Variants in NPAS3 observed in about 807,000 individuals in gnomAD.
NPAS3 encodes neuronal PAS domain protein 3.
NPAS3 carries 14 observed loss-of-function variants against 73.1 expected under a neutral mutation model. The observed-to-expected ratio is 0.19, with a 90% CI of 0.13 to 0.30. The LOEUF (loss-of-function observed/expected upper bound fraction) is 0.30. NPAS3 is among the 10% of genes least tolerant of loss of function. The pLI, the probability that NPAS3 is intolerant of heterozygous loss-of-function variation, is 1.00. For synonymous variants in NPAS3, 620 were observed against 541.5 expected (o/e 1.14, Z -2.01); for missense variants, 1,096 against 1,250.0 (o/e 0.88, Z 1.86).
At chr14:33,547,118 T>C (rs898555342) in intron 4 of NPAS3, among the ~76,000 whole-genome samples, 34 of 152,188 alleles carry the variant, frequency 2.2e-4, no homozygotes, top group African/African-American at 7.2e-4. Flanking sequence ...AAACCCTTAA[T>C]ATATTTTTAT....
At chr14:33,605,320 C>T (rs1281092907) in intron 5 of NPAS3, among the ~76,000 whole-genome samples, 4 of 149,694 alleles carry the variant, frequency 2.7e-5, no homozygotes, top group Non-Finnish European at 5.9e-5. Flanking sequence ...GCTCTTGCCG[C>T]TTTAATGTGA....
Position 33,686,907 on chromosome 14 carries a change from C to T in NPAS3, c.733+10522C>T, listed in dbSNP as rs1046689861. On this transcript the variant is annotated intron_variant, in intron 6 of 11. Coordinates refer to ENST00000356141, the Ensembl canonical transcript of NPAS3. Reference sequence around the variant, plus strand: ...TTATGTTCACTGGCCTTGATACTGGCTCATTTATTTTTATAAAAATGTACA... The same window carrying T: ...TTATGTTCACTGGCCTTGATACTGGTTCATTTATTTTTATAAAAATGTACA... Among the ~76,000 whole-genome samples, 5 of 152,250 alleles carry T rather than the reference C, an allele frequency of 3.3e-5. No individual in the cohort carries two copies. In the East Asian group the frequency reaches 9.7e-4, roughly 29 times the overall value.
intron 2 of NPAS3, among the ~76,000 whole-genome samples, chr14:33,069,089 G>A (rs2041387075): frequency 6.6e-6 from 1 of 152,194 alleles, no homozygotes; most frequent in South Asian, 2.1e-4. Context: ...GCTGAGGGTG[G>A]AAGCAGGGGA....
chr14:33,377,337 C>A (rs1011922570), intron 4 of NPAS3, among the ~76,000 whole-genome samples: 1 of 152,202 alleles, frequency 6.6e-6, no homozygotes, highest in Non-Finnish European at 1.5e-5. Flanking sequence ...TATCTTATTA[C>A]GTGACCTCCT....
intron 4 of NPAS3, among the ~76,000 whole-genome samples, chr14:33,504,430 A>C (rs2052663734): frequency 6.6e-6 from 1 of 152,026 alleles, no homozygotes; most frequent in South Asian, 2.1e-4. Context: ...GATTCCCAAG[A>C]CTTTTATATT....
At chr14:33,531,342 G>A in intron 4 of NPAS3, among the ~76,000 whole-genome samples, 1 of 152,010 alleles carries the variant, frequency 6.6e-6, no homozygotes, top group East Asian at 1.9e-4. Flanking sequence ...GACCTCCTTT[G>A]TGCCGTCACT....
At chr14:32,957,695 CATT>C (rs1239714611) in intron 1 of NPAS3, among the ~76,000 whole-genome samples, 1 of 152,104 alleles carries the variant, frequency 6.6e-6, no homozygotes, top group Non-Finnish European at 1.5e-5. Context: ...TCTATTCCAG[CATT>C]CTATTTTGCA....
intron 3 of NPAS3, among the ~76,000 whole-genome samples, chr14:33,289,360 T>C (rs148752866): frequency 0.012 from 1,814 of 152,266 alleles, 21 homozygotes; most frequent in Non-Finnish European, 0.019. Flanking sequence ...CACACACATA[T>C]AAAATTTGTT....
rs112184045 is a variant in NPAS3 at position 33,232,098 on chromosome 14, T to C, written c.385+16672T>C. Among the ~76,000 whole-genome samples the C allele has an allele frequency of 8.2e-3, 1,244 of 152,178 alleles. 10 individuals carry two copies. Among genetic ancestry groups the C allele is most frequent in the African/African-American group, 0.029 (1,192 of 41,540 alleles). Reference sequence around the variant, plus strand: ...TCTAGCCAGAACCCCCCAAAATAGATTGAGTGACAGTAGCAAGAAGACAGT... The same window carrying C: ...TCTAGCCAGAACCCCCCAAAATAGACTGAGTGACAGTAGCAAGAAGACAGT... On this transcript the variant is annotated intron_variant, in intron 3 of 11. Transcript: ENST00000356141.
Position 33,449,651 on chromosome 14 carries a change from A to G in NPAS3, c.468+82383A>G, listed in dbSNP as rs571324746. Among the ~76,000 whole-genome samples the G allele has an allele frequency of 5.9e-5, 9 of 152,194 alleles. No homozygotes were observed. The East Asian group carries it at 1.7e-3, about 29-fold the overall frequency. On this transcript the variant is annotated intron_variant, in intron 4 of 11. Transcript: ENST00000356141. Reference sequence around the variant, plus strand: ...CACATGCACACACACACACACACACAGAGAAGAAACTGAGAATTTAAATGG... The same window carrying G: ...CACATGCACACACACACACACACACGGAGAAGAAACTGAGAATTTAAATGG...
rs377021686 is a variant in NPAS3 at position 33,578,757 on chromosome 14, G to A, written c.558+18547G>A. 2.6e-5 allele frequency among the ~76,000 whole-genome samples: 4 copies of A among 152,300 alleles called. No individual in the cohort carries two copies. The East Asian group carries it at 7.7e-4, about 29-fold the overall frequency. On this transcript the variant is annotated intron_variant, in intron 5 of 11. Coordinates refer to ENST00000356141, the Ensembl canonical transcript of NPAS3. Reference sequence around the variant, plus strand: ...ATCAACCAAGAGGAGGCATGACTAGGATCAGAGGTCATTTAGGAAGACTGG... The same window carrying A: ...ATCAACCAAGAGGAGGCATGACTAGAATCAGAGGTCATTTAGGAAGACTGG...
intron 5 of NPAS3, among the ~76,000 whole-genome samples, chr14:33,662,223 TA>T (rs2059328320): frequency 6.6e-6 from 1 of 152,198 alleles, no homozygotes; most frequent in South Asian, 2.1e-4. Context: ...GGTGTTGGGT[TA>T]GTAGATCACA....
intron 3 of NPAS3, among the ~76,000 whole-genome samples, chr14:33,237,584 C>A (rs2048077511): frequency 6.6e-6 from 1 of 151,932 alleles, no homozygotes; most frequent in Non-Finnish European, 1.5e-5. Context: ...CTTTGCATAA[C>A]TAAAATTAGA....
chr14:33,138,456 T>C (rs111490951), intron 2 of NPAS3, among the ~76,000 whole-genome samples: 4 of 152,228 alleles, frequency 2.6e-5, no homozygotes, highest in African/African-American at 9.6e-5. Context: ...TAATTCTTCT[T>C]TGAGGTTAGA....
intron 1 of NPAS3, among the ~76,000 whole-genome samples, chr14:32,942,925 A>G (rs576013744): frequency 1.3e-5 from 2 of 152,342 alleles, no homozygotes; most frequent in African/African-American, 4.8e-5. Flanking sequence ...ACTGTCAACA[A>G]GAACTGTAAT....
chr14:33,401,288 G>A (rs749997091), intron 4 of NPAS3, among the ~76,000 whole-genome samples: 1 of 151,992 alleles, frequency 6.6e-6, no homozygotes, highest in Non-Finnish European at 1.5e-5. Flanking sequence ...TCTTCTCTGA[G>A]GTGTGCTGTT....
Position 33,564,899 on chromosome 14 carries a change from C to T in NPAS3, c.558+4689C>T, listed in dbSNP as rs115815280. ...GGTGATACCATTAGAAAATACCCTA[C>T]GTGCCAGCTAAAACCTCTCTTGAAA... is the stretch of plus-strand genomic sequence containing the variant. On this transcript the variant is annotated intron_variant, in intron 5 of 11. Transcript: ENST00000356141. Among the ~76,000 whole-genome samples the T allele has an allele frequency of 5.1e-3, 772 of 152,244 alleles. 3 individuals carry two copies. The highest frequency in any genetic ancestry group is 0.017 in the African/African-American group (686 of 41,534).
chr14:33,271,465 C>A (rs574926588), intron 3 of NPAS3, among the ~76,000 whole-genome samples: 1 of 152,090 alleles, frequency 6.6e-6, no homozygotes, highest in East Asian at 1.9e-4. Flanking sequence ...GAAGGAGAGG[C>A]CAGAGACAAG....
chr14:33,427,590 A>G (rs1272035653), intron 4 of NPAS3, among the ~76,000 whole-genome samples: 1 of 151,980 alleles, frequency 6.6e-6, no homozygotes, highest in East Asian at 1.9e-4. Context: ...GGAGTAGAGC[A>G]TAATGAGACT....
Sources: gnomAD v4.1 joint callset for allele counts (sites outside exome capture counted in the v4.1 genomes callset) on GRCh38, gnomAD v4.1.1 for gene constraint, MANE v1.5 for transcripts, NCBI Gene and HGNC (gene_info 2026-07-23, HGNC 2026-07-21) for gene names.